Variants in CTNND2 observed in about 807,000 individuals in gnomAD.
CTNND2 encodes catenin delta 2.
In CTNND2, 22 loss-of-function variants were observed where a neutral mutation model predicts 144.4. The observed-to-expected ratio is 0.15, with a 90% CI of 0.11 to 0.22. CTNND2 has a LOEUF of 0.22. Among genes scored for constraint, CTNND2 ranks in the 10% least tolerant of loss-of-function variants. The pLI is 1.00. For missense variants in CTNND2, 1,353 were observed against 1,618.8 expected, an observed-to-expected ratio of 0.84 and a Z score of 2.82; for synonymous variants, 751 against 695.6, an observed-to-expected ratio of 1.08 and a Z score of -1.25.
At chr5:11,764,309 A>AGAC (rs1368555240) in intron 1 of CTNND2, among the ~76,000 whole-genome samples, 1 of 152,198 alleles carries the variant, frequency 6.6e-6, no homozygotes, top group African/African-American at 2.4e-5. Context: ...GGCCTATTTC[A>AGAC]GACTCCTGGC....
At chr5:11,560,639 C>A (rs1195853542) in intron 3 of CTNND2, among the ~76,000 whole-genome samples, 1 of 152,208 alleles carries the variant, frequency 6.6e-6, no homozygotes, top group African/African-American at 2.4e-5. Flanking sequence ...GTTACAACCA[C>A]TGCCAACAGT....
intron 6 of CTNND2, 122 bp from the exon 7 acceptor site, chr5:11,385,351 G>C: frequency 1.7e-6 from 1 of 572,218 alleles, no homozygotes; most frequent in Non-Finnish European, 2.2e-6. Context: ...CGGCGGCTCT[G>C]CGATCCCAGC....
rs376840774 is a variant in CTNND2, at chr5:11,376,802, A to G, written c.1177+7863T>C. On this transcript the variant is annotated intron_variant, in intron 7 of 21. Coordinates refer to ENST00000304623, the MANE Select transcript of CTNND2 (RefSeq NM_001332.4). ...GTGTCAACCTAGAACTGTCTTGAAC[A>G]CTGACTTTCAATGAATCCCTCTATC... 9.4e-4 allele frequency among the ~76,000 whole-genome samples: 143 copies of G among 152,232 alleles called. 3 individuals carry two copies. In the South Asian group the frequency reaches 0.029, roughly 31 times the overall value.
chr5:11,472,741 T>C (rs1169889399), intron 3 of CTNND2, among the ~76,000 whole-genome samples: 1 of 152,220 alleles, frequency 6.6e-6, no homozygotes, highest in Non-Finnish European at 1.5e-5. Context: ...GATTTTTATA[T>C]TGCAGTATAT....
At chr5:11,415,660 T>A (rs865960600) in intron 3 of CTNND2, among the ~76,000 whole-genome samples, 1 of 152,032 alleles carries the variant, frequency 6.6e-6, no homozygotes, top group African/African-American at 2.4e-5. Context: ...CAAGGAAACA[T>A]GCTTAGGTTA....
intron 8 of CTNND2, chr5:11,364,483 G>T (rs61750672): frequency 0.013 from 5,620 of 422,988 alleles, 84 homozygotes; most frequent in Admixed American, 0.037. Flanking sequence ...ATCGCCATTT[G>T]CTTCCTTTCA....
In CTNND2 at chr5:11,384,573, G is replaced by A. The variant is rs975549647; in HGVS notation, c.1177+92C>T. 36 of 1,222,550 alleles carry A rather than the reference G, an allele frequency of 2.9e-5. No individual in the cohort carries two copies. The highest frequency in any genetic ancestry group is 3.9e-5 in the Non-Finnish European group (35 of 896,644). The allele number at this position is 1,222,550 out of a possible 1,614,324, so 75.7% of individuals were successfully genotyped here. ...ACTACTACAACCTGGCAGACAGCGC[G>A]CCCGGCTTCGCTTCTGCTCAAGCCG... On this transcript the variant is annotated intron_variant, in intron 7 of 21. Coordinates refer to ENST00000304623, the MANE Select transcript of CTNND2 (RefSeq NM_001332.4). This position sits in a 1 kb window ranked among gnomAD's most constrained non-coding sequence, Gnocchi z 5.2.
intron 2 of CTNND2, among the ~76,000 whole-genome samples, chr5:11,566,869 T>C (rs1431633976): frequency 6.6e-6 from 1 of 152,192 alleles, no homozygotes; most frequent in Admixed American, 6.5e-5. Flanking sequence ...CGCAGTCAGA[T>C]TTTCCAAGAC....
rs180722548 is a variant in CTNND2 at position 11,382,675 on chromosome 5, A to G, written c.1177+1990T>C. ...ATGATGAATTAGTGAAAGTCACTAC[A>G]TATCCTGTATCCACCCTTCCTAGTC... On this transcript the variant is annotated intron_variant, in intron 7 of 21. Coordinates refer to ENST00000304623, the MANE Select transcript of CTNND2 (RefSeq NM_001332.4). Among the ~76,000 whole-genome samples, 520 of 151,262 alleles carry G rather than the reference A, an allele frequency of 3.4e-3. 6 individuals carry two copies. Among genetic ancestry groups the G allele is most frequent in the Middle Eastern group, 0.014 (4 of 292 alleles).
intron 10 of CTNND2, among the ~76,000 whole-genome samples, chr5:11,224,152 T>C (rs1391760394): frequency 6.6e-6 from 1 of 152,180 alleles, no homozygotes; most frequent in Non-Finnish European, 1.5e-5. Context: ...TTAGTTGTAA[T>C]TCTGTCCCAG....
intron 1 of CTNND2, among the ~76,000 whole-genome samples, chr5:11,749,718 G>C (rs1788505011): frequency 6.6e-6 from 1 of 151,872 alleles, no homozygotes. Context: ...CTGAAGTTTA[G>C]GTTGATATTT....
intron 2 of CTNND2, among the ~76,000 whole-genome samples, chr5:11,685,820 A>G (rs1784623321): frequency 6.6e-6 from 1 of 152,218 alleles, no homozygotes; most frequent in Non-Finnish European, 1.5e-5. Context: ...GAGGTGAGGA[A>G]ATGAAGACCA....
intron 3 of CTNND2, among the ~76,000 whole-genome samples, chr5:11,556,618 C>T (rs1355400352): frequency 6.6e-6 from 1 of 152,118 alleles, no homozygotes; most frequent in Non-Finnish European, 1.5e-5. Context: ...GATTTTTAGA[C>T]TCTAGTTATA....
At chr5:11,020,172 T>C (rs932010126) in intron 17 of CTNND2, among the ~76,000 whole-genome samples, 6 of 152,116 alleles carry the variant, frequency 3.9e-5, no homozygotes, top group African/African-American at 7.2e-5. Context: ...GCAGTTCTGA[T>C]AGACTGTGAT....
At chr5:11,741,946 A>T (rs1484772117) in intron 1 of CTNND2, among the ~76,000 whole-genome samples, 1 of 151,782 alleles carries the variant, frequency 6.6e-6, no homozygotes, top group Non-Finnish European at 1.5e-5. Context: ...GAAGTAACTC[A>T]GGAATGGAAA....
At chr5:11,637,325 C>T (rs1181934868) in intron 2 of CTNND2, among the ~76,000 whole-genome samples, 1 of 152,244 alleles carries the variant, frequency 6.6e-6, no homozygotes, top group East Asian at 1.9e-4. Flanking sequence ...GACTGTCTTG[C>T]TAAGAGCTCC....
chr5:11,814,770 T>G (rs912170659), intron 1 of CTNND2, among the ~76,000 whole-genome samples: 1 of 152,176 alleles, frequency 6.6e-6, no homozygotes, highest in African/African-American at 2.4e-5. Flanking sequence ...CTTGACAAAA[T>G]AAAATAAAAC....
intron 1 of CTNND2, among the ~76,000 whole-genome samples, chr5:11,762,374 T>G (rs1789316222): frequency 2.0e-5 from 3 of 152,176 alleles, no homozygotes; most frequent in Admixed American, 2.0e-4. Context: ...GGTTATTAGA[T>G]CTATACTGTA....
At chr5:11,070,381 G>A (rs901553703) in intron 16 of CTNND2, among the ~76,000 whole-genome samples, 6 of 152,154 alleles carry the variant, frequency 3.9e-5, no homozygotes, top group Non-Finnish European at 8.8e-5. Flanking sequence ...AAGGACCAGT[G>A]AGTTTAAAGA....
Sources: allele counts gnomAD v4.1 joint callset (sites outside exome capture counted in the v4.1 genomes callset), GRCh38; gene constraint gnomAD v4.1.1; non-coding constraint Gnocchi (gnomAD v3.1); transcripts MANE v1.5; gene names NCBI Gene and HGNC (gene_info 2026-07-23, HGNC 2026-07-21).